The following SH2D4B variants were observed in gnomAD, a reference collection of about 807,000 sequenced individuals.
SH2D4B encodes the protein SH2 domain containing 4B, also known as SH2 domain-containing protein 4B.
In SH2D4B, 45 loss-of-function variants were observed where a neutral mutation model predicts 61.5. The ratio of observed to expected loss-of-function variants is 0.73; its 90% CI spans 0.58 to 0.94. The LOEUF is 0.94. Among genes scored for constraint, SH2D4B ranks in the 40% least tolerant of loss-of-function variants. The pLI, the probability that SH2D4B is intolerant of heterozygous loss-of-function variation, is 0.00. For missense variants in SH2D4B, 572 were observed against 574.2 expected, an observed-to-expected ratio of 1.00 and a Z score of 0.04; for synonymous variants, 224 against 220.4, an observed-to-expected ratio of 1.02 and a Z score of -0.14.
In SH2D4B at chr10:80,644,358, G is replaced by A. The variant is rs1046528761; in HGVS notation, c.*273G>A. 3.0e-5 allele frequency: 11 copies of A among 369,896 alleles called. No homozygotes were observed. The highest frequency in any genetic ancestry group is 1.2e-4 in the African/African-American group (6 of 48,406). 22.9% of individuals were successfully genotyped at this position (369,896 alleles called of 1,614,324 possible). A position where few individuals can be genotyped will look rare whatever the true frequency, so the allele number is the denominator to read the frequency against. On this transcript the variant is annotated 3_prime_UTR_variant, in exon 8 of 8. Coordinates refer to ENST00000646907, the MANE Select transcript of SH2D4B (RefSeq NM_001388272.1). ...ACAAAGCCTGTTTGTCATGGCTGCC[G>A]TAAACCGAGCTCTTACAGTGCGTGG... is the stretch of plus-strand genomic sequence containing the variant.
At chr10:80,623,544 G>C (rs1366851331) in intron 6 of SH2D4B, among the ~76,000 whole-genome samples, 1 of 152,162 alleles carries the variant, frequency 6.6e-6, no homozygotes, top group East Asian at 1.9e-4. Flanking sequence ...GGCTCGTGGG[G>C]ATATCTCATG....
At chr10:80,546,177 T>C (rs1841677811) in intron 1 of SH2D4B, among the ~76,000 whole-genome samples, 1 of 151,640 alleles carries the variant, frequency 6.6e-6, no homozygotes, top group South Asian at 2.1e-4. Context: ...CCTGAGTAGC[T>C]GGGACTACAG....
At chr10:80,609,907 C>T (rs1167960164) in intron 6 of SH2D4B, among the ~76,000 whole-genome samples, 2 of 152,222 alleles carry the variant, frequency 1.3e-5, no homozygotes, top group African/African-American at 2.4e-5. Context: ...GGATCCTGGC[C>T]ACAGCCTGTC....
intron 6 of SH2D4B, among the ~76,000 whole-genome samples, chr10:80,619,047 G>A (rs1469660845): frequency 1.3e-5 from 2 of 152,196 alleles, no homozygotes. Flanking sequence ...TAGTGAACAT[G>A]AAGTTGTTGG....
intron 3 of SH2D4B, among the ~76,000 whole-genome samples, chr10:80,573,411 T>C (rs1235597987): frequency 2.0e-5 from 3 of 152,184 alleles, no homozygotes; most frequent in African/African-American, 7.2e-5. Flanking sequence ...ATTATTTGCT[T>C]CATGCTTAGA....
At chr10:80,543,543 A>T (rs186525710) in intron 1 of SH2D4B, among the ~76,000 whole-genome samples, 1 of 151,900 alleles carries the variant, frequency 6.6e-6, no homozygotes, top group African/African-American at 2.4e-5. Context: ...GATGAGCGCC[A>T]CCCCCTGCTC....
chr10:80,567,439 C>T (rs1047184502), intron 1 of SH2D4B, among the ~76,000 whole-genome samples: 8 of 152,194 alleles, frequency 5.3e-5, no homozygotes, highest in Admixed American at 5.2e-4. Context: ...TAGGGGACAC[C>T]TTCAGGTCCC....
chr10:80,632,855 C>T (rs1192492676), intron 6 of SH2D4B, among the ~76,000 whole-genome samples: 11 of 151,238 alleles, frequency 7.3e-5, no homozygotes, highest in Middle Eastern at 3.4e-3. Flanking sequence ...TGTCCTGTGG[C>T]GAAAGGGCTC....
rs1589331460 is a variant in SH2D4B at position 80,550,723 on chromosome 10, T to C, written c.184+12208T>C. Among the ~76,000 whole-genome samples the C allele has an allele frequency of 2.6e-5, 4 of 152,342 alleles. 1 individual carries two copies. The highest frequency in any genetic ancestry group is 9.6e-5 in the African/African-American group (4 of 41,582). The stretch of plus-strand genomic sequence containing the variant: ...GTTAAAATAGGTGTCTTTGAATCAA[T>C]GAATAAGGTATTATTTCCATTTTAG... On this transcript the variant is annotated intron_variant, in intron 1 of 7. Transcript: ENST00000646907.
chr10:80,615,978 A>G (rs1016678949), intron 6 of SH2D4B, among the ~76,000 whole-genome samples: 1 of 152,220 alleles, frequency 6.6e-6, no homozygotes, highest in African/African-American at 2.4e-5. Flanking sequence ...ATGGTGGCAC[A>G]TCAGGAACCG....
chr10:80,567,769 C>A (rs1841989547), intron 1 of SH2D4B, among the ~76,000 whole-genome samples: 1 of 152,210 alleles, frequency 6.6e-6, no homozygotes, highest in African/African-American at 2.4e-5. Flanking sequence ...TTGTCTGATT[C>A]CCCTTGGCCT....
At chr10:80,561,722 A>G (rs1841904714) in intron 1 of SH2D4B, among the ~76,000 whole-genome samples, 1 of 152,188 alleles carries the variant, frequency 6.6e-6, no homozygotes, top group African/African-American at 2.4e-5. Context: ...TCAATACAAC[A>G]AAGTACAATA....
At chr10:80,590,070 A>G (rs1362460001) in intron 4 of SH2D4B, among the ~76,000 whole-genome samples, 1 of 152,236 alleles carries the variant, frequency 6.6e-6, no homozygotes, top group Non-Finnish European at 1.5e-5. Flanking sequence ...ACGGCAGGCC[A>G]TGCAGGGCCA....
In SH2D4B at chr10:80,619,208, T is replaced by G. The variant is rs1243538371; in HGVS notation, c.988+9657T>G. 2.6e-5 allele frequency among the ~76,000 whole-genome samples: 4 copies of G among 152,198 alleles called. No homozygotes were observed. In the East Asian group the frequency reaches 7.7e-4, roughly 29 times the overall value. On this transcript the variant is annotated intron_variant, in intron 6 of 7. Coordinates refer to ENST00000646907, the MANE Select transcript of SH2D4B (RefSeq NM_001388272.1). The stretch of plus-strand genomic sequence containing the variant: ...TGGGGCCAGCGGGGCTGCAGTGGCC[T>G]GCCTGTGATAGTCAGTGCTGGCACA...
intron 1 of SH2D4B, among the ~76,000 whole-genome samples, chr10:80,546,276 G>A (rs1216341046): frequency 6.6e-6 from 1 of 151,804 alleles, no homozygotes; most frequent in Non-Finnish European, 1.5e-5. Context: ...TCGAACTTCT[G>A]GGCTCAAGCA....
intron 1 of SH2D4B, among the ~76,000 whole-genome samples, chr10:80,567,073 C>T (rs1374439911): frequency 6.6e-6 from 1 of 152,214 alleles, no homozygotes; most frequent in Non-Finnish European, 1.5e-5. Context: ...GATATTTCTT[C>T]TGTGTGGCTT....
intron 1 of SH2D4B, among the ~76,000 whole-genome samples, chr10:80,563,503 A>G (rs72805703): frequency 0.021 from 3,253 of 152,238 alleles, 46 homozygotes; most frequent in Middle Eastern, 0.048. Flanking sequence ...TTTTGAGTTT[A>G]TAGCCAAAAA....
Position 80,570,289 on chromosome 10 carries a change from A to C in SH2D4B, c.320A>C (p.Gln107Pro). Residue 107 changes from glutamine (Q) to proline (P), a missense_variant, in exon 2 of 8, where the codon CAG (glutamine) becomes CCG (proline). Gln to Pro is a moderately conservative substitution (Grantham distance 76). Coordinates refer to ENST00000646907, the MANE Select transcript of SH2D4B (RefSeq NM_001388272.1). Reference sequence around the variant, plus strand: ...CTGATTGCAGAGAGGGCGCGGCTGCAGGCACAGAGGGAAGCTGAGGAGCTC... The same window carrying C: ...CTGATTGCAGAGAGGGCGCGGCTGCCGGCACAGAGGGAAGCTGAGGAGCTC... ...EELIAERARL[Q>P]AQREAEELWR... The C allele has an allele frequency of 1.2e-6, 2 of 1,613,468 alleles. No homozygotes were observed. Among genetic ancestry groups the C allele is most frequent in the Non-Finnish European group, 1.7e-6 (2 of 1,179,946 alleles).
At chr10:80,546,012 TTCTTTCTTTC>T (rs1263721245) in intron 1 of SH2D4B, among the ~76,000 whole-genome samples, 3 of 113,002 alleles carry the variant, frequency 2.7e-5, no homozygotes, top group Admixed American at 8.2e-5. Context: ...CTCTCTCTCT[TTCTTTCTTTC>T]TCTTTCTTTC....
Sources: gnomAD v4.1 joint callset for allele counts (sites outside exome capture counted in the v4.1 genomes callset) on GRCh38, gnomAD v4.1.1 for gene constraint, MANE v1.5 for transcripts, NCBI Gene and HGNC (gene_info 2026-07-23, HGNC 2026-07-21) for gene names.